The following BCL9 variants were observed in gnomAD, a reference collection of about 807,000 sequenced individuals.
The protein encoded by BCL9 is BCL9 transcription coactivator.
A neutral mutation model predicts 88.5 loss-of-function variants in BCL9; 25 were observed. The ratio of observed to expected loss-of-function variants is 0.28; its 90% CI spans 0.21 to 0.39. The LOEUF is 0.39. Among genes scored for constraint, BCL9 ranks in the 10% least tolerant of loss-of-function variants. The pLI, the probability that BCL9 is intolerant of heterozygous loss-of-function variation, is 1.00. For missense variants in BCL9, 1,817 were observed against 1,877.8 expected, an observed-to-expected ratio of 0.97 and a Z score of 0.60; for synonymous variants, 711 against 673.3, an observed-to-expected ratio of 1.06 and a Z score of -0.87.
rs782367701 is a variant in BCL9 at position 147,619,825 on chromosome 1, G to A, written c.1670G>A (p.Gly557Glu). 2.5e-6 allele frequency: 4 copies of A among 1,614,182 alleles called. No homozygotes were observed. The highest frequency in any genetic ancestry group is 3.4e-6 in the Non-Finnish European group (4 of 1,180,026). ...RGMAPHPNMPGSQMRLPGFAG... is the reference protein window; with the variant it reads ...RGMAPHPNMPESQMRLPGFAG... ...ATGGCTCCCCACCCCAACATGCCAG[G>A]GAGCCAGATGCGCCTCCCTGGATTT... Residue 557 changes from glycine (G) to glutamate (E), a missense_variant, in exon 8 of 10, where the codon GGG (glycine) becomes GAG (glutamate). By Grantham distance (98) the Gly-to-Glu change is moderately conservative. This residue lies in a region of BCL9 where 1,228 missense variants were observed against 1,191.6 expected (regional missense o/e 1.03). Transcript: ENST00000234739. The surrounding 1 kb of genome is among the most constrained non-coding windows in gnomAD (Gnocchi z 4.1).
At chr1:147,564,190 C>G (rs1254400503) in intron 1 of BCL9, among the ~76,000 whole-genome samples, 1 of 152,150 alleles carries the variant, frequency 6.6e-6, no homozygotes, top group Non-Finnish European at 1.5e-5. Context: ...CTAATGCTCT[C>G]TCGTAGGATT....
At chr1:147,599,609 G>A (rs1039946030) in intron 1 of BCL9, among the ~76,000 whole-genome samples, 1 of 152,028 alleles carries the variant, frequency 6.6e-6, no homozygotes, top group African/African-American at 2.4e-5. Context: ...CTCCCGCCCC[G>A]CCGGCCCCTC....
chr1:147,619,150 C>T lies in BCL9; in HGVS notation c.995C>T (p.Pro332Leu), dbSNP rs61751616. ...TCTTCAGCAGATCCCAAAGCCCCTCCGCCTCCACCAGTGTCCAGTGGCGAG... is the reference window on the plus strand; with the variant it reads ...TCTTCAGCAGATCCCAAAGCCCCTCTGCCTCCACCAGTGTCCAGTGGCGAG... The part of the protein sequence containing the change: ...NSSSADPKAP[P>L]PPPVSSGEPP... The change falls in exon 8 of 10, where the codon CCG (proline) becomes CTG (leucine). Residue 332 changes from proline (P) to leucine (L), a missense_variant. Coordinates refer to ENST00000234739, the MANE Select transcript of BCL9 (RefSeq NM_004326.4). This position sits in a 1 kb window ranked among gnomAD's most constrained non-coding sequence, Gnocchi z 4.1. 19,762 of 1,613,260 alleles carry T rather than the reference C, an allele frequency of 0.012. 162 individuals carry two copies. The highest frequency in any genetic ancestry group is 0.014 in the Non-Finnish European group (16,975 of 1,179,562).
At chr1:147,577,707 C>T (rs1656172738) in intron 1 of BCL9, among the ~76,000 whole-genome samples, 1 of 152,008 alleles carries the variant, frequency 6.6e-6, no homozygotes, top group Non-Finnish European at 1.5e-5. Context: ...TTTTGTTTTT[C>T]TGGACCTGGA....
chr1:147,579,326 A>AT (rs1458591303), intron 1 of BCL9, among the ~76,000 whole-genome samples: 2 of 152,166 alleles, frequency 1.3e-5, no homozygotes, highest in African/African-American at 2.4e-5. Context: ...TAGCATTTTG[A>AT]TTTTTGGCAT....
At chr1:147,551,319 A>C (rs1654894434) in intron 1 of BCL9, among the ~76,000 whole-genome samples, 1 of 152,152 alleles carries the variant, frequency 6.6e-6, no homozygotes, top group South Asian at 2.1e-4. Context: ...AAAGTCATAT[A>C]ATTGCTAAGT....
intron 7 of BCL9, among the ~76,000 whole-genome samples, chr1:147,618,556 G>T (rs1463233016): frequency 6.6e-6 from 1 of 151,916 alleles, no homozygotes; most frequent in East Asian, 1.9e-4. Context: ...TGGCAGAGTG[G>T]CTCTCCCCTG....
intron 7 of BCL9, among the ~76,000 whole-genome samples, chr1:147,618,369 C>T (rs587666603): frequency 1.1e-4 from 17 of 152,264 alleles, no homozygotes; most frequent in African/African-American, 3.9e-4. Flanking sequence ...CAACATCAGG[C>T]CTTTTGATTG....
intron 1 of BCL9, among the ~76,000 whole-genome samples, chr1:147,546,939 T>C (rs1553194314): frequency 6.6e-6 from 1 of 152,180 alleles, no homozygotes; most frequent in Non-Finnish European, 1.5e-5. Context: ...GAATTTAAAA[T>C]GGACGGGCAC....
chr1:147,584,183 G>A (rs1337524010), intron 1 of BCL9, among the ~76,000 whole-genome samples: 1 of 151,974 alleles, frequency 6.6e-6, no homozygotes, highest in African/African-American at 2.4e-5. Context: ...AAGTAGCTGG[G>A]ATTACAGGCG....
In BCL9 at chr1:147,620,672, C is replaced by T. The variant is rs374272041; in HGVS notation, c.2517C>T (p.Arg839=). Residue 839 remains arginine (R), a synonymous_variant, in exon 8 of 10, where the codon CGC becomes CGT. Transcript: ENST00000234739. ...TSLNTAPPVQ[R]GLGRKPLDIS... Reference sequence around the variant, plus strand: ...TCAACACAGCTCCTCCAGTTCAGCGCGGCCTGGGGCGGAAGCCCTTGGATA... The same window carrying T: ...TCAACACAGCTCCTCCAGTTCAGCGTGGCCTGGGGCGGAAGCCCTTGGATA... 62 of 1,613,986 alleles carry T rather than the reference C, an allele frequency of 3.8e-5. No individual in the cohort carries two copies. In the South Asian group the frequency reaches 5.2e-4, roughly 13 times the overall value.
intron 8 of BCL9, among the ~76,000 whole-genome samples, chr1:147,621,514 C>T (rs1260654673): frequency 1.3e-5 from 2 of 152,104 alleles, no homozygotes; most frequent in African/African-American, 4.8e-5. Context: ...AGAAACAGTT[C>T]CAAAATCTTC....
chr1:147,602,213 T>TTA (rs1268204565), intron 1 of BCL9, among the ~76,000 whole-genome samples: 1 of 1,138 alleles, frequency 8.8e-4, no homozygotes, highest in Non-Finnish European at 4.6e-3. Context: ...GAAGAGAAAT[T>TTA]TTTTTTTTTT....
intron 1 of BCL9, among the ~76,000 whole-genome samples, chr1:147,596,076 G>A (rs995005300): frequency 1.3e-4 from 20 of 152,200 alleles, no homozygotes; most frequent in Admixed American, 7.9e-4. Context: ...TGGTGACTCT[G>A]ATTCTCAAGT....
chr1:147,609,459 A>C (rs1553202368), intron 3 of BCL9, among the ~76,000 whole-genome samples: 1 of 152,214 alleles, frequency 6.6e-6, no homozygotes, highest in East Asian at 1.9e-4. Flanking sequence ...AGATGGCTTC[A>C]AGGAAAGAGC....
intron 1 of BCL9, among the ~76,000 whole-genome samples, chr1:147,573,812 T>G (rs1231629951): frequency 1.3e-5 from 2 of 152,156 alleles, no homozygotes; most frequent in Non-Finnish European, 2.9e-5. Context: ...GTCACACAGC[T>G]GGTTAGTTAG....
chr1:147,602,973 C>T (rs1657479584), intron 1 of BCL9, among the ~76,000 whole-genome samples: 1 of 152,202 alleles, frequency 6.6e-6, no homozygotes, highest in Non-Finnish European at 1.5e-5. Flanking sequence ...CTCCAGTTCT[C>T]CCATCTACAA....
chr1:147,581,760 A>T (rs1477380488), intron 1 of BCL9, among the ~76,000 whole-genome samples: 1 of 152,096 alleles, frequency 6.6e-6, no homozygotes, highest in Non-Finnish European at 1.5e-5. Flanking sequence ...ATCTTGCATG[A>T]ATTTTAGACG....
At chr1:147,542,746 C>T in intron 1 of BCL9, among the ~76,000 whole-genome samples, 1 of 151,978 alleles carries the variant, frequency 6.6e-6, no homozygotes, top group East Asian at 1.9e-4. Context: ...GTTGGGTTTT[C>T]CCCTTTCCTC....
Sources: gnomAD v4.1 joint callset for allele counts (sites outside exome capture counted in the v4.1 genomes callset) on GRCh38, gnomAD v4.1.1 for gene constraint, gnomAD v4.1.1 regional missense constraint, Gnocchi (gnomAD v3.1) non-coding constraint, MANE v1.5 for transcripts, NCBI Gene and HGNC (gene_info 2026-07-23, HGNC 2026-07-21) for gene names.